LSAMP: variants seen among roughly 807,000 people sequenced by gnomAD.
The protein encoded by LSAMP is limbic system-associated membrane protein.
Under a neutral mutation model 38.6 loss-of-function variants are expected in LSAMP, and 7 were observed. The ratio of observed to expected loss-of-function variants is 0.18; its 90% CI spans 0.10 to 0.34. LSAMP has a LOEUF of 0.34. LSAMP is among the 10% of genes least tolerant of loss of function. The probability of loss-of-function intolerance (pLI) is 1.00; values close to 1 mark genes in which losing one functional copy is unlikely to be tolerated. For missense variants in LSAMP, 313 were observed against 420.0 expected, an observed-to-expected ratio of 0.75 and a Z score of 2.23; for synonymous variants, 154 against 166.8, an observed-to-expected ratio of 0.92 and a Z score of 0.59.
At chr3:116,029,784 A>G (rs1292579245) in intron 2 of LSAMP, among the ~76,000 whole-genome samples, 3 of 152,236 alleles carry the variant, frequency 2.0e-5, no homozygotes. Flanking sequence ...TAGTCCTCCG[A>G]GATGTAGCCA....
chr3:115,952,585 T>G (rs550523708), intron 3 of LSAMP, among the ~76,000 whole-genome samples: 2 of 152,032 alleles, frequency 1.3e-5, no homozygotes, highest in East Asian at 3.9e-4. Context: ...GAGAGGAGGG[T>G]GAGAGATAAA....
intron 2 of LSAMP, among the ~76,000 whole-genome samples, chr3:116,073,166 C>T (rs968525786): frequency 6.6e-6 from 1 of 152,120 alleles, no homozygotes; most frequent in Admixed American, 6.5e-5. Context: ...AATAGGGAAT[C>T]CTTTCTCCAT....
At chr3:115,873,887 T>A (rs1296568590) in intron 3 of LSAMP, among the ~76,000 whole-genome samples, 1 of 152,092 alleles carries the variant, frequency 6.6e-6, no homozygotes, top group African/African-American at 2.4e-5. Flanking sequence ...ATTTGTTCCC[T>A]CTAAAGATCA....
intron 2 of LSAMP, among the ~76,000 whole-genome samples, chr3:116,052,281 C>T (rs1469397525): frequency 1.3e-5 from 2 of 152,054 alleles, no homozygotes; most frequent in Non-Finnish European, 2.9e-5. Flanking sequence ...GGTGGAACAG[C>T]AGCAACAGGA....
chr3:116,027,994 A>C lies in LSAMP; in HGVS notation c.389-8354T>G, dbSNP rs544889308. The stretch of plus-strand genomic sequence containing the variant: ...GTGTATGTGGTGATGGTGGGGTCTT[A>C]AAGAAACACCACCAACTCCCTAATT... On this transcript the variant is annotated intron_variant, in intron 2 of 6. Transcript: ENST00000490035. Among the ~76,000 whole-genome samples the C allele has an allele frequency of 3.3e-5, 5 of 152,186 alleles. No homozygotes were observed. In the South Asian group the frequency reaches 1.0e-3, roughly 31 times the overall value.
intron 1 of LSAMP, among the ~76,000 whole-genome samples, chr3:116,102,804 T>A (rs1708378053): frequency 6.6e-6 from 1 of 152,240 alleles, no homozygotes; most frequent in Non-Finnish European, 1.5e-5. Context: ...TCTGTCTGTC[T>A]ATCTTCTATG....
chr3:116,119,879 T>C (rs1387321351), intron 1 of LSAMP, among the ~76,000 whole-genome samples: 1 of 152,102 alleles, frequency 6.6e-6, no homozygotes, highest in Non-Finnish European at 1.5e-5. Flanking sequence ...CAGGCTGGTC[T>C]TCAACTCTGG....
chr3:116,056,060 T>C (rs1290094385), intron 2 of LSAMP, among the ~76,000 whole-genome samples: 1 of 152,232 alleles, frequency 6.6e-6, no homozygotes, highest in Non-Finnish European at 1.5e-5. Flanking sequence ...GGCAAGTTTC[T>C]AATGCCATGA....
intron 1 of LSAMP, among the ~76,000 whole-genome samples, chr3:116,252,085 C>T (rs1355205300): frequency 6.6e-6 from 1 of 152,208 alleles, no homozygotes; most frequent in Non-Finnish European, 1.5e-5. Context: ...CTGCTCCTCT[C>T]ACTGTTGGCT....
intron 1 of LSAMP, among the ~76,000 whole-genome samples, chr3:116,147,325 A>G (rs974214929): frequency 1.2e-4 from 18 of 151,904 alleles, no homozygotes; most frequent in Non-Finnish European, 2.5e-4. Flanking sequence ...TCCTTATAAC[A>G]TGCCTTAAGA....
At chr3:115,867,654 A>C (rs1935899843) in intron 3 of LSAMP, among the ~76,000 whole-genome samples, 1 of 152,124 alleles carries the variant, frequency 6.6e-6, no homozygotes, top group Non-Finnish European at 1.5e-5. Context: ...CACGGGGAAG[A>C]AGAAGAGCAG....
chr3:115,908,520 T>C (rs1403168830), intron 3 of LSAMP, among the ~76,000 whole-genome samples: 1 of 152,142 alleles, frequency 6.6e-6, no homozygotes, highest in Admixed American at 6.6e-5. Context: ...TGGAGTCCTG[T>C]TCTGATCCTC....
At chr3:115,955,045 C>T (rs1038107512) in intron 3 of LSAMP, among the ~76,000 whole-genome samples, 2 of 151,962 alleles carry the variant, frequency 1.3e-5, no homozygotes, top group Non-Finnish European at 2.9e-5. Context: ...AGCTCCGCCT[C>T]CCGGGTTCAC....
intron 3 of LSAMP, among the ~76,000 whole-genome samples, chr3:115,985,585 A>G (rs1409737038): frequency 6.6e-6 from 1 of 152,146 alleles, no homozygotes; most frequent in East Asian, 1.9e-4. Context: ...ATCATATGGC[A>G]TATCACTTTC....
chr3:115,870,892 C>T (rs1055624395), intron 3 of LSAMP, among the ~76,000 whole-genome samples: 1 of 152,026 alleles, frequency 6.6e-6, no homozygotes, highest in African/African-American at 2.4e-5. Flanking sequence ...CCTAAAAAGG[C>T]CCCAGGCATT....
intron 1 of LSAMP, among the ~76,000 whole-genome samples, chr3:116,223,365 A>G (rs1190093964): frequency 6.6e-6 from 1 of 152,226 alleles, no homozygotes. Flanking sequence ...AACTGTTTTA[A>G]CCAGTCAAAA....
chr3:115,851,805 C>T (rs573290828), intron 4 of LSAMP, among the ~76,000 whole-genome samples: 1 of 152,310 alleles, frequency 6.6e-6, no homozygotes, highest in Admixed American at 6.5e-5. Context: ...TATTCCTTTG[C>T]TGGGTGACAC....
chr3:115,903,179 C>T (rs1936922581), intron 3 of LSAMP, among the ~76,000 whole-genome samples: 1 of 152,174 alleles, frequency 6.6e-6, no homozygotes, highest in Non-Finnish European at 1.5e-5. Context: ...GAGATCATGT[C>T]CTTTGCAGGA....
intron 1 of LSAMP, among the ~76,000 whole-genome samples, chr3:116,100,714 G>T (rs533138528): frequency 6.6e-6 from 1 of 151,990 alleles, no homozygotes. Flanking sequence ...TTAAATGTTC[G>T]TGGTCTTTTT....
Sources: allele counts gnomAD v4.1 joint callset (sites outside exome capture counted in the v4.1 genomes callset), GRCh38; gene constraint gnomAD v4.1.1; transcripts MANE v1.5; gene names NCBI Gene and HGNC (gene_info 2026-07-23, HGNC 2026-07-21).